The following DPYSL5 variants were observed in gnomAD, a reference collection of about 807,000 sequenced individuals.
DPYSL5 encodes dihydropyrimidinase-related protein 5.
DPYSL5 carries 9 observed loss-of-function variants against 58.4 expected under a neutral mutation model. The ratio of observed to expected loss-of-function variants is 0.15; its 90% CI spans 0.09 to 0.27. The LOEUF is 0.27. DPYSL5 is among the 10% of genes least tolerant of loss of function. The pLI is 1.00. For missense variants in DPYSL5, 499 were observed against 770.6 expected (o/e 0.65, Z 4.17); for synonymous variants, 293 against 301.9 (o/e 0.97, Z 0.31).
chr2:26,867,284 A>G (rs964077383), intron 1 of DPYSL5, among the ~76,000 whole-genome samples: 7 of 152,184 alleles, frequency 4.6e-5, no homozygotes, highest in African/African-American at 1.7e-4. Flanking sequence ...GGTAAAATAC[A>G]TCATCTCTGC....
intron 1 of DPYSL5, among the ~76,000 whole-genome samples, chr2:26,869,095 G>C (rs976808537): frequency 6.6e-6 from 1 of 152,124 alleles, no homozygotes; most frequent in Non-Finnish European, 1.5e-5. Context: ...CTCCTGAGTA[G>C]CTGGGACTAT....
At chr2:26,853,081 A>G (rs561877712) in intron 1 of DPYSL5, among the ~76,000 whole-genome samples, 71 of 152,320 alleles carry the variant, frequency 4.7e-4, no homozygotes, top group African/African-American at 1.7e-3. Context: ...AATAGTAGGA[A>G]TAGCTCTCTG....
intron 2 of DPYSL5, among the ~76,000 whole-genome samples, chr2:26,900,654 A>G (rs1244648838): frequency 2.0e-5 from 3 of 152,218 alleles, no homozygotes; most frequent in Non-Finnish European, 4.4e-5. Context: ...TTAATAGGTA[A>G]TGCCAAATAG....
chr2:26,933,900 C>T lies in DPYSL5; in HGVS notation c.790+567C>T, dbSNP rs1200679771. Among the ~76,000 whole-genome samples, 4 of 152,112 alleles carry T rather than the reference C, an allele frequency of 2.6e-5. No individual in the cohort carries two copies. Among genetic ancestry groups the T allele is most frequent in the Non-Finnish European group, 5.9e-5 (4 of 68,022 alleles). ...GCCCCAGGTGCTGGTGAGGGCCTGG[C>T]AGCAGGAGAAACAAAGTCACAGTCA... On this transcript the variant is annotated intron_variant, in intron 7 of 12. Coordinates refer to ENST00000288699, the MANE Select transcript of DPYSL5 (RefSeq NM_020134.4). This position sits in a 1 kb window ranked among gnomAD's most constrained non-coding sequence, Gnocchi z 4.2.
intron 5 of DPYSL5, among the ~76,000 whole-genome samples, chr2:26,930,094 C>T (rs1306179296): frequency 3.3e-5 from 5 of 152,172 alleles, no homozygotes; most frequent in Admixed American, 2.0e-4. Flanking sequence ...CTGAGGAGTG[C>T]CCCCTCACTG....
rs1664991788 is a variant in DPYSL5, at chr2:26,931,673, A to G, written c.703A>G (p.Ile235Val). The G allele has an allele frequency of 1.2e-6, 2 of 1,613,976 alleles. No individual in the cohort carries two copies. Among genetic ancestry groups the G allele is most frequent in the East Asian group, 2.2e-5 (1 of 44,868 alleles). ...TGAAGCCACTCATCGTGTTATCACCATTGCAAACAGGGTAAGTCCCCCGAT... is the reference window on the plus strand; with the variant it reads ...TGAAGCCACTCATCGTGTTATCACCGTTGCAAACAGGGTAAGTCCCCCGAT... The part of the protein sequence containing the change: ...EAEATHRVIT[I>V]ANRTHCPIYL... Residue 235 changes from isoleucine to valine, a missense_variant, in exon 6 of 13, where the codon ATT becomes GTT. Coordinates refer to ENST00000288699, the MANE Select transcript of DPYSL5 (RefSeq NM_020134.4).
chr2:26,936,046 C>A (rs758859026), intron 8 of DPYSL5, among the ~76,000 whole-genome samples: 2 of 152,228 alleles, frequency 1.3e-5, no homozygotes, highest in African/African-American at 4.8e-5. Context: ...GTGCCCACTG[C>A]TCTCAGCTCT....
chr2:26,879,631 G>A (rs929245616), intron 1 of DPYSL5, among the ~76,000 whole-genome samples: 1 of 152,124 alleles, frequency 6.6e-6, no homozygotes, highest in Non-Finnish European at 1.5e-5. Flanking sequence ...AGTGATTTCC[G>A]TGTGTGACGA....
At position 26,932,210 on chromosome 2, in the gene DPYSL5, A is replaced by C. The variant is rs1205802801; in HGVS notation, c.714+526A>C. Among the ~76,000 whole-genome samples the C allele has an allele frequency of 5.3e-4, 14 of 26,604 alleles. No homozygotes were observed. In the South Asian group the frequency reaches 0.015, roughly 28 times the overall value. The allele number at this position is 26,604 out of a possible 152,430, so 17.5% of individuals were successfully genotyped here. Reference sequence around the variant, plus strand: ...AAGAAAGAAAGAAAGAAAGAAAGAAAAGAAAGAAAGAAAGAAAGAAAGAAA... The same window carrying C: ...AAGAAAGAAAGAAAGAAAGAAAGAACAGAAAGAAAGAAAGAAAGAAAGAAA... On this transcript the variant is annotated intron_variant, in intron 6 of 12. Transcript: ENST00000288699.
chr2:26,852,539 C>T (rs1283134141), intron 1 of DPYSL5, among the ~76,000 whole-genome samples: 1 of 152,110 alleles, frequency 6.6e-6, no homozygotes, highest in Non-Finnish European at 1.5e-5. Context: ...TGATTGAACC[C>T]GAGCTTGCCA....
At chr2:26,939,905 G>C (rs77557775) in intron 8 of DPYSL5, 126 bp from the exon 9 acceptor site, 3 of 1,289,388 alleles carry the variant, frequency 2.3e-6, no homozygotes, top group Non-Finnish European at 3.3e-6. Flanking sequence ...TGGCCTAAGC[G>C]GCAGAGCTGA....
chr2:26,933,443 G>A lies in DPYSL5; in HGVS notation c.790+110G>A, dbSNP rs1572716582. ...GCCCCGGCTCCTGAAACCAGGACCT[G>A]AGCCAGCCCTTCCCTTTCATCTGCC... On this transcript the variant is annotated intron_variant, in intron 7 of 12. Transcript: ENST00000288699. The surrounding 1 kb of genome is among the most constrained non-coding windows in gnomAD (Gnocchi z 4.2). The A allele has an allele frequency of 6.1e-6, 6 of 978,422 alleles. No homozygotes were observed. The East Asian group carries it at 1.2e-4, about 20-fold the overall frequency. The allele number at this position is 978,422 out of a possible 1,614,324, so 60.6% of individuals were successfully genotyped here.
Position 26,949,229 on chromosome 2 carries a change from C to T in DPYSL5, c.*2234C>T, listed in dbSNP as rs2148183296. On this transcript the variant is annotated 3_prime_UTR_variant, in exon 13 of 13. Transcript: ENST00000288699. The stretch of plus-strand genomic sequence containing the variant: ...CATCTTTCTTATAAACAACCTCATG[C>T]ACATTCTGTGTTTGAGCCAAGACTA... 1 of 152,332 alleles carries T rather than the reference C, an allele frequency of 6.6e-6. No individual in the cohort carries two copies. Among genetic ancestry groups the T allele is most frequent in the Non-Finnish European group, 1.5e-5 (1 of 68,042 alleles). 9.4% of individuals were successfully genotyped at this position (152,332 alleles called of 1,614,324 possible).
At chr2:26,874,348 T>C (rs1240111735) in intron 1 of DPYSL5, among the ~76,000 whole-genome samples, 1 of 152,208 alleles carries the variant, frequency 6.6e-6, no homozygotes, top group African/African-American at 2.4e-5. Flanking sequence ...CTAAAGACTT[T>C]CTCCTATATT....
chr2:26,927,465 G>C lies in DPYSL5; in HGVS notation c.600+33G>C, dbSNP rs771562785. On this transcript the variant is annotated intron_variant, in intron 4 of 12. Transcript: ENST00000288699. The surrounding 1 kb of genome is among the most constrained non-coding windows in gnomAD (Gnocchi z 4.3). ...TGCAGCCAAGAATATTGGATGGAGG[G>C]ACACCAGTGGAGACAGTTAGTTCTC... The C allele has an allele frequency of 1.5e-4, 234 of 1,606,728 alleles. No individual in the cohort carries two copies. The highest frequency in any genetic ancestry group is 1.9e-4 in the Non-Finnish European group (225 of 1,176,400).
At position 26,934,292 on chromosome 2, in the gene DPYSL5, C is replaced by T. The variant is rs565089084; in HGVS notation, c.791-286C>T. On this transcript the variant is annotated intron_variant, in intron 7 of 12. Transcript: ENST00000288699. The surrounding 1 kb of genome is among the most constrained non-coding windows in gnomAD (Gnocchi z 4.3). The stretch of plus-strand genomic sequence containing the variant: ...AGCTCCATCTGCCAACAGCACCCTG[C>T]ACACACCAGTGCTCTGGTCATCTGG... Among the ~76,000 whole-genome samples the T allele has an allele frequency of 8.3e-4, 127 of 152,344 alleles. 1 individual carries two copies. The highest frequency in any genetic ancestry group is 1.3e-3 in the African/African-American group (54 of 41,586).
At chr2:26,935,615 G>C (rs1665151778) in intron 8 of DPYSL5, among the ~76,000 whole-genome samples, 1 of 150,050 alleles carries the variant, frequency 6.7e-6, no homozygotes, top group Non-Finnish European at 1.5e-5. Context: ...CTTGAACCCA[G>C]GAGGCAGAGG....
rs766202947 is a variant in DPYSL5, at chr2:26,946,980, G to A, written c.1680G>A (p.Ser560=). The change falls in exon 13 of 13, where the codon TCG becomes TCA. Residue 560 remains serine (S), a synonymous_variant. Transcript: ENST00000288699. ...ARILAPPGGR[S]SGIW ...TCCTCGCTCCTCCCGGAGGCAGGTC[G>A]AGTGGCATTTGGTAAAGGCATTGCC... 65 of 1,613,236 alleles carry A rather than the reference G, an allele frequency of 4.0e-5. No individual in the cohort carries two copies. The highest frequency in any genetic ancestry group is 1.8e-4 in the East Asian group (8 of 44,876).
At chr2:26,931,833 C>A in intron 6 of DPYSL5, 149 bp downstream of exon 6, 3 of 742,104 alleles carry the variant, frequency 4.0e-6, no homozygotes, top group East Asian at 5.8e-5. Flanking sequence ...CATGGTGAAA[C>A]CCCATTGCTA....
Sources: gnomAD v4.1 joint callset for allele counts (sites outside exome capture counted in the v4.1 genomes callset) on GRCh38, gnomAD v4.1.1 for gene constraint, Gnocchi (gnomAD v3.1) non-coding constraint, MANE v1.5 for transcripts, NCBI Gene and HGNC (gene_info 2026-07-23, HGNC 2026-07-21) for gene names.